TRABD2A: variants seen among roughly 807,000 people sequenced by gnomAD.
TRABD2A encodes the protein TraB domain containing 2A.
Under a neutral mutation model 45.6 loss-of-function variants are expected in TRABD2A, and 43 were observed. That is an observed-to-expected ratio of 0.94 (90% CI 0.74 to 1.22). The LOEUF is 1.22. Ranked by LOEUF, TRABD2A falls within the 50% of genes most tolerant of loss-of-function variation. TRABD2A has a pLI of 0.00. For synonymous variants in TRABD2A, 269 were observed against 265.0 expected (o/e 1.02, Z -0.15); for missense variants, 642 against 652.4 (o/e 0.98, Z 0.17).
rs771276167 is a variant in TRABD2A at position 84,839,165 on chromosome 2, G to A, written c.975C>T (p.Phe325=). The change falls in exon 4 of 7, where the codon TTC becomes TTT. Residue 325 remains phenylalanine (F), a synonymous_variant. Coordinates refer to ENST00000409520, the MANE Select transcript of TRABD2A (RefSeq NM_001277053.2). The part of the protein sequence containing the change: ...LLEEFPDKGF[F]FAFGAGHFMG... ...ACTACTCACCAGCTCCAAAGGCAAA[G>A]AAGAAGCCTTTGTCAGGGAACTCCT... is the stretch of plus-strand genomic sequence containing the variant. 1 of 1,613,812 alleles carries A rather than the reference G, an allele frequency of 6.2e-7. No homozygotes were observed. Among genetic ancestry groups the A allele is most frequent in the Non-Finnish European group, 8.5e-7 (1 of 1,179,872 alleles).
chr2:84,864,669 C>A (rs1028396533), intron 2 of TRABD2A, among the ~76,000 whole-genome samples: 3 of 152,166 alleles, frequency 2.0e-5, no homozygotes, highest in East Asian at 1.9e-4. Flanking sequence ...TGCTGGCTGA[C>A]CCCCCACAAT....
intron 2 of TRABD2A, among the ~76,000 whole-genome samples, chr2:84,846,936 C>T (rs146295961): frequency 2.0e-4 from 30 of 152,362 alleles, no homozygotes; most frequent in Middle Eastern, 6.8e-3. Context: ...ATCCAGCTGT[C>T]CCACTCCAGA....
At chr2:84,851,025 C>A (rs1266939490) in intron 2 of TRABD2A, 1 of 151,934 alleles carries the variant, frequency 6.6e-6, no homozygotes, top group Admixed American at 6.5e-5. Context: ...CCTGTCCTGT[C>A]CTGTGCTATA....
intron 1 of TRABD2A, among the ~76,000 whole-genome samples, chr2:84,872,503 AAAAG>A (rs1321386840): frequency 2.0e-5 from 3 of 152,056 alleles, no homozygotes; most frequent in Non-Finnish European, 4.4e-5. Flanking sequence ...TTGTCTCAGA[AAAAG>A]AAAGAAAGAG....
intron 5 of TRABD2A, among the ~76,000 whole-genome samples, chr2:84,829,417 CCACACACACTA>C (rs1681250113): frequency 6.8e-6 from 1 of 147,982 alleles, no homozygotes; most frequent in Non-Finnish European, 1.5e-5. Flanking sequence ...ACCACACATA[CCACACACACTA>C]CACACACACA....
intron 3 of TRABD2A, 143 bp from the exon 4 acceptor site, chr2:84,839,466 G>A (rs1340841210): frequency 5.1e-6 from 4 of 778,736 alleles, no homozygotes; most frequent in Non-Finnish European, 8.0e-6. Flanking sequence ...TTTCCTGTCT[G>A]CTATGTTTCC....
chr2:84,872,726 T>C (rs985730404), intron 1 of TRABD2A, among the ~76,000 whole-genome samples: 1 of 152,254 alleles, frequency 6.6e-6, no homozygotes, highest in South Asian at 2.1e-4. Context: ...TACTAAACTG[T>C]TGTTCCTAGG....
At chr2:84,850,719 G>A (rs1042277280) in intron 2 of TRABD2A, 6 of 152,198 alleles carry the variant, frequency 3.9e-5, no homozygotes, top group Non-Finnish European at 5.9e-5. Context: ...ACCCCTCCAT[G>A]GGGGGCCTTC....
At chr2:84,854,041 T>A (rs1682186231) in intron 2 of TRABD2A, among the ~76,000 whole-genome samples, 1 of 148,902 alleles carries the variant, frequency 6.7e-6, no homozygotes. Context: ...TTTATTTATA[T>A]TTCATATATT....
Position 84,821,825 on chromosome 2 carries a change from G to T in TRABD2A, c.*92C>A. On this transcript the variant is annotated 3_prime_UTR_variant, in exon 7 of 7. Transcript: ENST00000409520. ...TTTCAAGAGCAGTCTCTTCTGGATT[G>T]GGCCCAACAAGGCTAGACCAGAATG... 7.6e-7 allele frequency: 1 copy of T among 1,312,274 alleles called. No homozygotes were observed. Among genetic ancestry groups the T allele is most frequent in the Non-Finnish European group, 1.0e-6 (1 of 993,978 alleles). 81.3% of individuals were successfully genotyped at this position (1,312,274 alleles called of 1,614,324 possible).
At chr2:84,873,293 G>A (rs1446762504) in intron 1 of TRABD2A, among the ~76,000 whole-genome samples, 1 of 151,728 alleles carries the variant, frequency 6.6e-6, no homozygotes, top group Non-Finnish European at 1.5e-5. Flanking sequence ...GCAAGCGCCT[G>A]TAGTCCCAGC....
At chr2:84,849,798 A>G (rs992851942) in intron 2 of TRABD2A, among the ~76,000 whole-genome samples, 1 of 152,232 alleles carries the variant, frequency 6.6e-6, no homozygotes, top group African/African-American at 2.4e-5. Flanking sequence ...CAAGTCGCCA[A>G]CAGGTGTCTG....
At chr2:84,879,899 C>T (rs977826391) in intron 1 of TRABD2A, among the ~76,000 whole-genome samples, 6 of 152,148 alleles carry the variant, frequency 3.9e-5, no homozygotes, top group Non-Finnish European at 8.8e-5. Context: ...AATAAAATTG[C>T]GAATGGCCAG....
At chr2:84,852,054 G>A (rs1375902205) in intron 2 of TRABD2A, among the ~76,000 whole-genome samples, 4 of 152,180 alleles carry the variant, frequency 2.6e-5, no homozygotes, top group African/African-American at 9.6e-5. Context: ...GCATCAGGAG[G>A]CTCCACGTGG....
intron 5 of TRABD2A, among the ~76,000 whole-genome samples, chr2:84,829,948 C>T (rs1681277453): frequency 6.6e-6 from 1 of 150,558 alleles, no homozygotes; most frequent in Non-Finnish European, 1.5e-5. Context: ...ACACAAACAT[C>T]ACACACAACA....
chr2:84,861,778 C>T (rs1462760502), intron 2 of TRABD2A, among the ~76,000 whole-genome samples: 2 of 152,220 alleles, frequency 1.3e-5, no homozygotes, highest in African/African-American at 4.8e-5. Flanking sequence ...CAGCGATAAA[C>T]AACCTCACCT....
rs1189262493 is a variant in TRABD2A at position 84,830,243 on chromosome 2, G to A, written c.1082+1812C>T. The stretch of plus-strand genomic sequence containing the variant: ...CAGGAAGGAGAGAGGCAGGAGACGT[G>A]AGCCTGCAACAGAGCTGACTCAGGC... On this transcript the variant is annotated intron_variant, in intron 5 of 6. Coordinates refer to ENST00000409520, the MANE Select transcript of TRABD2A (RefSeq NM_001277053.2). The surrounding 1 kb of genome is among the most constrained non-coding windows in gnomAD (Gnocchi z 4.9). Among the ~76,000 whole-genome samples the A allele has an allele frequency of 6.6e-6, 1 of 152,130 alleles. No homozygotes were observed. The highest frequency in any genetic ancestry group is 1.5e-5 in the Non-Finnish European group (1 of 68,018).
chr2:84,840,435 A>G (rs1424902012), intron 3 of TRABD2A, among the ~76,000 whole-genome samples: 1 of 152,010 alleles, frequency 6.6e-6, no homozygotes, highest in African/African-American at 2.4e-5. Context: ...CCACCTTCTA[A>G]ATTCCAAACA....
chr2:84,862,405 A>G (rs1682530525), intron 2 of TRABD2A, among the ~76,000 whole-genome samples: 1 of 152,120 alleles, frequency 6.6e-6, no homozygotes, highest in Non-Finnish European at 1.5e-5. Context: ...CTAGGGTTTC[A>G]AAGGAGCTCT....
Sources: gnomAD v4.1 joint callset for allele counts (sites outside exome capture counted in the v4.1 genomes callset) on GRCh38, gnomAD v4.1.1 for gene constraint, Gnocchi (gnomAD v3.1) non-coding constraint, MANE v1.5 for transcripts, NCBI Gene and HGNC (gene_info 2026-07-23, HGNC 2026-07-21) for gene names.